CDH12: variants seen among roughly 807,000 people sequenced by gnomAD.
CDH12 encodes cadherin 12, also known as cadherin-12.
In CDH12, 41 loss-of-function variants were observed where a neutral mutation model predicts 74.1. The ratio of observed to expected loss-of-function variants is 0.55; its 90% CI spans 0.43 to 0.72. The LOEUF (loss-of-function observed/expected upper bound fraction) is 0.72. Among genes scored for constraint, CDH12 ranks in the 30% least tolerant of loss-of-function variants. The pLI is 0.00. For synonymous variants in CDH12, 399 were observed against 355.0 expected (o/e 1.12, Z -1.39); for missense variants, 945 against 977.2 (o/e 0.97, Z 0.44).
Position 22,245,695 on chromosome 5 carries a change from C to CAT in CDH12, c.-332-33054_-332-33053dup, listed in dbSNP as rs113861611. Among the ~76,000 whole-genome samples the CAT allele has an allele frequency of 3.7e-3, 566 of 151,490 alleles. 9 individuals carry two copies. The highest frequency in any genetic ancestry group is 0.013 in the African/African-American group (531 of 41,294). On this transcript the variant is annotated intron_variant, in intron 3 of 14. Coordinates refer to ENST00000382254, the MANE Select transcript of CDH12 (RefSeq NM_004061.5). The stretch of plus-strand genomic sequence containing the variant: ...TATATATTTAAATCTGTAGTTCATA[C>CAT]ATATATATATAATCTGAGATTGGAG...
chr5:22,461,727 T>C (rs1311224699), intron 2 of CDH12, among the ~76,000 whole-genome samples: 4 of 151,846 alleles, frequency 2.6e-5, no homozygotes, highest in African/African-American at 9.7e-5. Context: ...ATTTATTATA[T>C]TTTGATTTTC....
At chr5:22,479,926 C>T (rs1222477015) in intron 2 of CDH12, among the ~76,000 whole-genome samples, 4 of 151,990 alleles carry the variant, frequency 2.6e-5, no homozygotes, top group Non-Finnish European at 4.4e-5. Context: ...TCTTGATTTG[C>T]CCCCAGCCCC....
chr5:22,792,805 A>G (rs1460271632), intron 1 of CDH12, among the ~76,000 whole-genome samples: 1 of 152,222 alleles, frequency 6.6e-6, no homozygotes, highest in African/African-American at 2.4e-5. Flanking sequence ...AGGCTCTGGC[A>G]CAATTACACT....
chr5:22,159,098 T>C (rs1315579333), intron 4 of CDH12, among the ~76,000 whole-genome samples: 1 of 152,022 alleles, frequency 6.6e-6, no homozygotes, highest in African/African-American at 2.4e-5. Flanking sequence ...GTGGTGAATT[T>C]TGAGGGAGAA....
intron 1 of CDH12, among the ~76,000 whole-genome samples, chr5:22,625,346 A>T (rs1738231567): frequency 6.6e-6 from 1 of 152,204 alleles, no homozygotes; most frequent in African/African-American, 2.4e-5. Context: ...ATGATAGGAA[A>T]AAAAAGAAAG....
At chr5:22,741,654 T>A (rs1278615299) in intron 1 of CDH12, among the ~76,000 whole-genome samples, 2 of 152,164 alleles carry the variant, frequency 1.3e-5, no homozygotes, top group Admixed American at 1.3e-4. Flanking sequence ...GGAAGAGTAA[T>A]ATTCACATCT....
chr5:22,835,690 C>T (rs921870382), intron 1 of CDH12, among the ~76,000 whole-genome samples: 2 of 152,134 alleles, frequency 1.3e-5, no homozygotes, highest in African/African-American at 4.8e-5. Context: ...CACTAACAAA[C>T]GATTAATCTC....
At position 22,663,660 on chromosome 5, in the gene CDH12, A is replaced by G. The variant is rs779953052; in HGVS notation, c.-522-158296T>C. Among the ~76,000 whole-genome samples, 280 of 152,280 alleles carry G rather than the reference A, an allele frequency of 1.8e-3. 3 individuals carry two copies. The highest frequency in any genetic ancestry group is 2.6e-3 in the Non-Finnish European group (178 of 67,988). ...CATTACATTTTAATAAACTTGGCTG[A>G]TTTAAAATATTCAGTAAAATGACAG... On this transcript the variant is annotated intron_variant, in intron 1 of 14. Coordinates refer to ENST00000382254, the MANE Select transcript of CDH12 (RefSeq NM_004061.5).
At chr5:22,086,143 G>C (rs1561094743) in intron 4 of CDH12, among the ~76,000 whole-genome samples, 1 of 152,080 alleles carries the variant, frequency 6.6e-6, no homozygotes, top group Non-Finnish European at 1.5e-5. Flanking sequence ...CTGAGAAGCA[G>C]ACATAGTAAA....
intron 5 of CDH12, among the ~76,000 whole-genome samples, chr5:22,016,481 C>T (rs1279418606): frequency 3.9e-5 from 6 of 151,984 alleles, no homozygotes; most frequent in South Asian, 2.1e-4. Context: ...CTTCAACCTC[C>T]GCCTCCTGGG....
At chr5:22,292,335 G>GTTT (rs1737425542) in intron 3 of CDH12, among the ~76,000 whole-genome samples, 1 of 77,326 alleles carries the variant, frequency 1.3e-5, no homozygotes, top group Non-Finnish European at 2.3e-5. Flanking sequence ...GGGGTTTTTG[G>GTTT]TTTTTGTTTT....
chr5:22,087,954 G>A (rs192268199), intron 4 of CDH12, among the ~76,000 whole-genome samples: 1 of 152,208 alleles, frequency 6.6e-6, no homozygotes, highest in East Asian at 1.9e-4. Context: ...TCCAGTTGTA[G>A]TAATACCATC....
At chr5:22,622,368 C>T (rs1738021195) in intron 1 of CDH12, among the ~76,000 whole-genome samples, 1 of 151,998 alleles carries the variant, frequency 6.6e-6, no homozygotes, top group Admixed American at 6.6e-5. Flanking sequence ...AGGGAAGACG[C>T]AGACACTGGA....
In CDH12 at chr5:21,776,222, C is replaced by T. The variant is rs190734806; in HGVS notation, c.1393+7136G>A. On this transcript the variant is annotated intron_variant, in intron 11 of 14. Transcript: ENST00000382254. ...CAAACAGCAGTGTGGAATAGTTGCTCGTCCAACAGCCTACAAGCACACTGA... is the reference window on the plus strand; with the variant it reads ...CAAACAGCAGTGTGGAATAGTTGCTTGTCCAACAGCCTACAAGCACACTGA... Among the ~76,000 whole-genome samples the T allele has an allele frequency of 1.6e-3, 246 of 152,260 alleles. 1 individual carries two copies. Among genetic ancestry groups the T allele is most frequent in the African/African-American group, 5.6e-3 (234 of 41,556 alleles).
chr5:22,755,126 T>C (rs1380305392), intron 1 of CDH12, among the ~76,000 whole-genome samples: 2 of 152,192 alleles, frequency 1.3e-5, no homozygotes, highest in Non-Finnish European at 2.9e-5. Flanking sequence ...ATACTATATA[T>C]TCTTTAAATT....
intron 1 of CDH12, among the ~76,000 whole-genome samples, chr5:22,733,712 G>T (rs12521618): frequency 6.6e-6 from 1 of 151,756 alleles, no homozygotes; most frequent in East Asian, 1.9e-4. Flanking sequence ...TAAAAATATC[G>T]TTATAAGGTA....
At chr5:21,947,468 G>C (rs1755631483) in intron 6 of CDH12, among the ~76,000 whole-genome samples, 1 of 152,320 alleles carries the variant, frequency 6.6e-6, no homozygotes, top group East Asian at 1.9e-4. Flanking sequence ...TTAGGAGCTA[G>C]AGCCCAAAGA....
intron 1 of CDH12, among the ~76,000 whole-genome samples, chr5:22,625,810 G>A (rs1299177300): frequency 6.6e-6 from 1 of 152,110 alleles, no homozygotes; most frequent in Non-Finnish European, 1.5e-5. Flanking sequence ...CATCAGAGAG[G>A]TCAGCAAACT....
chr5:22,810,475 C>G (rs985358508), intron 1 of CDH12, among the ~76,000 whole-genome samples: 5 of 151,816 alleles, frequency 3.3e-5, no homozygotes, highest in African/African-American at 1.2e-4. Context: ...TCCCAGTGAA[C>G]ATTAAAGTTG....
Sources: gnomAD v4.1 joint callset for allele counts (sites outside exome capture counted in the v4.1 genomes callset) on GRCh38, gnomAD v4.1.1 for gene constraint, MANE v1.5 for transcripts, NCBI Gene and HGNC (gene_info 2026-07-23, HGNC 2026-07-21) for gene names.